Variants in AKNA observed in about 807,000 individuals in gnomAD.
AKNA encodes the protein microtubule organization protein AKNA.
AKNA carries 67 observed loss-of-function variants against 138.8 expected under a neutral mutation model. That is an observed-to-expected ratio of 0.48 (90% CI 0.40 to 0.59). The LOEUF is 0.59. Among genes scored for constraint, AKNA ranks in the 20% least tolerant of loss-of-function variants. The pLI is 0.00. For synonymous variants in AKNA, 737 were observed against 754.4 expected (o/e 0.98, Z 0.38); for missense variants, 1,813 against 1,880.4 (o/e 0.96, Z 0.66).
chr9:114,341,952 C>A, intron 20 of AKNA, 57 bp downstream of exon 20: 2 of 1,510,828 alleles, frequency 1.3e-6, no homozygotes, highest in East Asian at 4.5e-5. Flanking sequence ...GGTCTAATAA[C>A]CCTGGTCAAG....
rs766629976 is a variant in AKNA, at chr9:114,376,975, C to G, written c.832G>C (p.Asp278His). The change falls in exon 3 of 22, where the codon GAT (aspartate) becomes CAT (histidine). Residue 278 changes from aspartate (D) to histidine (H), a missense_variant. Transcript: ENST00000374088. ...PPAQSPQHATDRWRRETTRFF... is the reference protein window; with the variant it reads ...PPAQSPQHATHRWRRETTRFF... ...CTGGTCGTTTCTCTCCTCCATCTAT[C>G]TGTGGCATGCTGCGGACTCTGGGCT... 1.9e-6 allele frequency: 3 copies of G among 1,613,848 alleles called. No individual in the cohort carries two copies. In the East Asian group the frequency reaches 6.7e-5, roughly 36 times the overall value.
At chr9:114,388,141 G>T, upstream of AKNA, 1 of 256,208 alleles carries the variant, frequency 3.9e-6, no homozygotes, top group Non-Finnish European at 8.4e-6. Context: ...AGCAAGAGCT[G>T]GAGGAGCTTA....
chr9:114,366,785 T>C (rs985366087), intron 6 of AKNA, among the ~76,000 whole-genome samples: 2 of 152,066 alleles, frequency 1.3e-5, no homozygotes, highest in African/African-American at 4.8e-5. Flanking sequence ...ATGGTGGTGC[T>C]TCTGAAAGAA....
intron 1 of AKNA, among the ~76,000 whole-genome samples, chr9:114,384,832 C>T (rs1298984711): frequency 6.6e-6 from 1 of 152,092 alleles, no homozygotes; most frequent in African/African-American, 2.4e-5. Context: ...GCACTCCTAA[C>T]CCCTGTATTA....
upstream of AKNA, among the ~76,000 whole-genome samples, chr9:114,394,959 G>T (rs955670117): frequency 3.9e-5 from 6 of 152,228 alleles, 1 homozygote; most frequent in South Asian, 4.1e-4. Flanking sequence ...GCAGTGGGGG[G>T]GCTGGGGGGA....
At chr9:114,380,860 G>A (rs1037295305) in intron 2 of AKNA, among the ~76,000 whole-genome samples, 200 bp downstream of exon 2, 2 of 151,232 alleles carry the variant, frequency 1.3e-5, no homozygotes, top group Admixed American at 1.3e-4. Context: ...GCGCATGCCT[G>A]TAATCCCAGC....
At chr9:114,367,394 C>T in intron 6 of AKNA, 149 bp downstream of exon 6, 1 of 944,040 alleles carries the variant, frequency 1.1e-6, no homozygotes, top group Non-Finnish European at 1.5e-6. Flanking sequence ...GGGAGGGGCT[C>T]ATGTTTTGGG....
Position 114,335,771 on chromosome 9 carries a change from C to CAAAAAAAAAAAAAAAAAGAAAAAAAAAA in AKNA, c.*1282_*1283insTTTTTTTTTTCTTTTTTTTTTTTTTTTT, listed in dbSNP as rs1829962897. The CAAAAAAAAAAAAAAAAAGAAAAAAAAAA allele has an allele frequency of 9.8e-6, 1 of 101,686 alleles. No homozygotes were observed. The highest frequency in any genetic ancestry group is 2.0e-5 in the Non-Finnish European group (1 of 49,224). The allele number at this position is 101,686 out of a possible 1,614,324, so 6.3% of individuals were successfully genotyped here. A position where few individuals can be genotyped will look rare whatever the true frequency, so the allele number is the denominator to read the frequency against. On this transcript the variant is annotated 3_prime_UTR_variant, in exon 22 of 22. Coordinates refer to ENST00000374088, the MANE Select transcript of AKNA (RefSeq NM_001317950.2). ...GGGCAACCAGAGCAAAACTCAGTCT[C>CAAAAAAAAAAAAAAAAAGAAAAAAAAAA]AAAAAAAAAAAAAAAAAGAAAAAGA...
At chr9:114,365,610 GC>G (rs1832287594) in intron 6 of AKNA, among the ~76,000 whole-genome samples, 1 of 151,704 alleles carries the variant, frequency 6.6e-6, no homozygotes, top group Non-Finnish European at 1.5e-5. Context: ...TATAATGTGA[GC>G]TACACCATCT....
rs1467046742 is a variant in AKNA at position 114,376,497 on chromosome 9, T to A, written c.1310A>T (p.Glu437Val). The A allele has an allele frequency of 6.2e-7, 1 of 1,613,794 alleles. No individual in the cohort carries two copies. The highest frequency in any genetic ancestry group is 8.5e-7 in the Non-Finnish European group (1 of 1,179,890). Residue 437 changes from glutamate (E) to valine (V), a missense_variant, in exon 3 of 22, where the codon GAG becomes GTG. By Grantham distance (121) the Glu-to-Val change is moderately radical (BLOSUM62 -2). Transcript: ENST00000374088. ...TRVPQEFQTP[E>V]QATELVHQLQ... is the part of the protein sequence containing the mutation. Reference sequence around the variant, plus strand: ...CTGATGGACCAGCTCAGTGGCTTGCTCAGGCGTCTGAAATTCTTGGGGTAC... The same window carrying A: ...CTGATGGACCAGCTCAGTGGCTTGCACAGGCGTCTGAAATTCTTGGGGTAC...
At chr9:114,354,271 C>A (rs143416749) in intron 14 of AKNA, among the ~76,000 whole-genome samples, 1,690 of 152,020 alleles carry the variant, frequency 0.011, 14 homozygotes, top group Non-Finnish European at 0.018. Flanking sequence ...CACACATTAG[C>A]CTAGGCCTGT....
At chr9:114,389,254 A>C (rs1564103810), upstream of AKNA, among the ~76,000 whole-genome samples, 1 of 152,038 alleles carries the variant, frequency 6.6e-6, no homozygotes, top group Non-Finnish European at 1.5e-5. Flanking sequence ...AGCTTCACAG[A>C]AAAGCGGGCA....
intron 1 of AKNA, among the ~76,000 whole-genome samples, chr9:114,387,577 C>G (rs1834128325): frequency 6.6e-6 from 1 of 152,228 alleles, no homozygotes; most frequent in African/African-American, 2.4e-5. Context: ...CAGACGACGA[C>G]ACCCCAGGCA....
rs1416954901 is a variant in AKNA at position 114,356,036 on chromosome 9, C to T, written c.2947G>A (p.Glu983Lys). ...GCTTGGCTCCGGGGTGTGCTGGGCT[C>T]TGTGGCTCTTCTGGGAATCAGAGAA... ...RGSLIPRRAT[E>K]PSTPRSQAQR... The change falls in exon 14 of 22, where the codon GAG (glutamate) becomes AAG (lysine). Residue 983 changes from glutamate to lysine, a missense_variant. By Grantham distance (56) the Glu-to-Lys change is moderately conservative (BLOSUM62 1). Coordinates refer to ENST00000374088, the MANE Select transcript of AKNA (RefSeq NM_001317950.2). The T allele has an allele frequency of 1.2e-6, 2 of 1,614,180 alleles. No individual in the cohort carries two copies. Among genetic ancestry groups the T allele is most frequent in the South Asian group, 2.2e-5 (2 of 91,084 alleles).
In AKNA at chr9:114,337,017, A is replaced by ACCCCC; in HGVS notation, c.*36_*37insGGGGG. The ACCCCC allele has an allele frequency of 1.5e-5, 2 of 137,294 alleles. No homozygotes were observed. The highest frequency in any genetic ancestry group is 5.3e-5 in the South Asian group (1 of 18,716). 8.5% of individuals were successfully genotyped at this position (137,294 alleles called of 1,614,324 possible). ...TCCTGGCCTGGCAGGCCACCTGCCC[A>ACCCCC]CCCACCCACCCATCTGCCTCTGGGC... On this transcript the variant is annotated 3_prime_UTR_variant, in exon 22 of 22. Transcript: ENST00000374088.
chr9:114,339,818 C>T (rs1456631973), intron 21 of AKNA, among the ~76,000 whole-genome samples: 3 of 152,172 alleles, frequency 2.0e-5, no homozygotes, highest in African/African-American at 4.8e-5. Flanking sequence ...ATTTACATAC[C>T]GGGCGCGGTG....
rs551070580 is a variant in AKNA, at chr9:114,371,736, C to T, written c.1416+2357G>A. 2.0e-5 allele frequency among the ~76,000 whole-genome samples: 3 copies of T among 152,280 alleles called. No homozygotes were observed. The East Asian group carries it at 5.8e-4, about 29-fold the overall frequency. Reference sequence around the variant, plus strand: ...TCCCCATCCATTGCTGTCCACCTACCCACCATGCCTAGCCTGGGTGTCCAG... The same window carrying T: ...TCCCCATCCATTGCTGTCCACCTACTCACCATGCCTAGCCTGGGTGTCCAG... On this transcript the variant is annotated intron_variant, in intron 4 of 21. Coordinates refer to ENST00000374088, the MANE Select transcript of AKNA (RefSeq NM_001317950.2).
intron 5 of AKNA, 109 bp from the exon 6 acceptor site, chr9:114,367,806 G>T (rs1289775544): frequency 1.6e-6 from 2 of 1,251,004 alleles, no homozygotes; most frequent in African/African-American, 3.1e-5. Flanking sequence ...TTATAGCTCA[G>T]TCACCATGTG....
rs769886291 is a variant in AKNA at position 114,362,573 on chromosome 9, C to A, written c.1789-40G>T. ...GGCCAGGAAGACTTGAGTGCTCAGT[C>A]CCCGCGGGGCCTGTCCCTGAAGACA... On this transcript the variant is annotated intron_variant, in intron 7 of 21. Coordinates refer to ENST00000374088, the MANE Select transcript of AKNA (RefSeq NM_001317950.2). 5 of 1,596,478 alleles carry A rather than the reference C, an allele frequency of 3.1e-6. No individual in the cohort carries two copies. In the Admixed American group the frequency reaches 6.9e-5, roughly 22 times the overall value.
Sources: gnomAD v4.1 joint callset for allele counts (sites outside exome capture counted in the v4.1 genomes callset) on GRCh38, gnomAD v4.1.1 for gene constraint, MANE v1.5 for transcripts, NCBI Gene and HGNC (gene_info 2026-07-23, HGNC 2026-07-21) for gene names.